The following ING3 variants were observed in gnomAD, a reference collection of about 807,000 sequenced individuals.
The protein encoded by ING3 is inhibitor of growth protein 3.
A neutral mutation model predicts 64.8 loss-of-function variants in ING3; 6 were observed. That is an observed-to-expected ratio of 0.09 (90% CI 0.05 to 0.18). The LOEUF is 0.18. ING3 is among the 10% of genes least tolerant of loss of function. ING3 has a pLI of 1.00. For missense variants in ING3, 310 were observed against 489.7 expected (o/e 0.63, Z 3.46); for synonymous variants, 170 against 173.7 (o/e 0.98, Z 0.17).
chr7:120,952,262 G>GT (rs1301263671), intron 2 of ING3, among the ~76,000 whole-genome samples: 3 of 152,278 alleles, frequency 2.0e-5, no homozygotes, highest in Non-Finnish European at 4.4e-5. Context: ...ATCTGAGTTT[G>GT]TTTTAGGGCT....
chr7:120,963,653 C>T (rs73221223), intron 4 of ING3, among the ~76,000 whole-genome samples: 9 of 152,234 alleles, frequency 5.9e-5, no homozygotes, highest in Non-Finnish European at 1.0e-4. Context: ...AAGATCAGAT[C>T]GAGGGCTAGA....
At chr7:120,967,859 G>C (rs1371711301) in intron 7 of ING3, 75 bp from the exon 8 acceptor site, 2 of 1,455,254 alleles carry the variant, frequency 1.4e-6, no homozygotes, top group African/African-American at 2.8e-5. Flanking sequence ...GTCTGTGCTG[G>C]GAAATAATGT....
At chr7:120,955,050 T>A (rs1795825126) in intron 3 of ING3, among the ~76,000 whole-genome samples, 1 of 152,222 alleles carries the variant, frequency 6.6e-6, no homozygotes, top group African/African-American at 2.4e-5. Flanking sequence ...TCTGAACATC[T>A]CCCTTTTACT....
At chr7:120,954,485 T>A (rs1795815115) in intron 3 of ING3, among the ~76,000 whole-genome samples, 1 of 151,480 alleles carries the variant, frequency 6.6e-6, no homozygotes, top group Admixed American at 6.6e-5. Context: ...ACAAATTGAG[T>A]AGTTCTGTTA....
At chr7:120,968,141 T>C (rs1562976556) in intron 8 of ING3, 50 bp downstream of exon 8, 2 of 1,506,246 alleles carry the variant, frequency 1.3e-6, no homozygotes, top group Admixed American at 1.9e-5. Context: ...GTCGGAATCA[T>C]TGGAAACCTA....
intron 4 of ING3, among the ~76,000 whole-genome samples, chr7:120,959,189 T>A (rs1795895560): frequency 6.6e-6 from 1 of 152,208 alleles, no homozygotes; most frequent in South Asian, 2.1e-4. Context: ...GGTTTCTTAC[T>A]CTTCAAGTGG....
In ING3 at chr7:120,970,744, TATC is replaced by T. The variant is rs1354995134; in HGVS notation, c.969_971del (p.Ser324del). 9.9e-6 allele frequency: 16 copies of T among 1,612,978 alleles called. No individual in the cohort carries two copies. Among genetic ancestry groups the T allele is most frequent in the South Asian group, 2.2e-5 (2 of 91,060 alleles). On this transcript the variant is annotated inframe_deletion, in exon 10 of 12. Coordinates refer to ENST00000315870, the MANE Select transcript of ING3 (RefSeq NM_019071.3). ...TCATCTTCCTCCTCCTCTTCTTCCT[TATC>T]ATCGTGTTCTTCATCATCAACTGTT...
chr7:120,950,925 G>A lies in ING3; in HGVS notation c.28+1G>A. On this transcript the variant is annotated splice_donor_variant, in intron 1 of 11. Transcript: ENST00000315870. LOFTEE classifies it high-confidence loss of function. ...TTGTACCTAGAAGACTATCTGGAAA[G>A]TGAGTGCGCGGCGCTGGCGGCGGCC... 1 of 1,613,540 alleles carries A rather than the reference G, an allele frequency of 6.2e-7. No homozygotes were observed. Among genetic ancestry groups the A allele is most frequent in the Non-Finnish European group, 8.5e-7 (1 of 1,179,750 alleles).
chr7:120,972,219 C>A (rs182678102), intron 10 of ING3, among the ~76,000 whole-genome samples: 24 of 151,986 alleles, frequency 1.6e-4, no homozygotes, highest in Admixed American at 1.4e-3. Flanking sequence ...GCTCTTCTTT[C>A]TACAAAAAAT....
intron 3 of ING3, among the ~76,000 whole-genome samples, chr7:120,955,073 G>A (rs993923162): frequency 6.6e-6 from 1 of 152,178 alleles, no homozygotes; most frequent in Middle Eastern, 3.4e-3. Flanking sequence ...TGGCCATTGT[G>A]CATAGTTTCT....
rs547692501 is a variant in ING3 at position 120,964,990 on chromosome 7, T to C, written c.364+152T>C. On this transcript the variant is annotated intron_variant, in intron 5 of 11. Transcript: ENST00000315870. The stretch of plus-strand genomic sequence containing the variant: ...CTTGGACCCTAACAGTTGGAAATGT[T>C]TGGGTCATGCATACTGAGAGAGATA... The C allele has an allele frequency of 5.0e-6, 3 of 602,204 alleles. No homozygotes were observed. The Admixed American group carries it at 8.7e-5, about 17-fold the overall frequency. 37.3% of individuals were successfully genotyped at this position (602,204 alleles called of 1,614,324 possible).
intron 9 of ING3, among the ~76,000 whole-genome samples, chr7:120,970,029 G>T (rs2116687112): frequency 6.6e-6 from 1 of 152,246 alleles, no homozygotes; most frequent in South Asian, 2.1e-4. Flanking sequence ...TAAATTACTT[G>T]TGAATTTTTA....
intron 11 of ING3, among the ~76,000 whole-genome samples, chr7:120,974,260 A>G (rs1173695156): frequency 6.6e-6 from 1 of 152,216 alleles, no homozygotes; most frequent in Non-Finnish European, 1.5e-5. Context: ...ATTTTTCTCT[A>G]CATTTCAAGG....
intron 9 of ING3, among the ~76,000 whole-genome samples, chr7:120,970,129 T>C (rs1002358290): frequency 6.6e-5 from 10 of 152,118 alleles, no homozygotes; most frequent in African/African-American, 1.9e-4. Context: ...TGTGTGTGTG[T>C]GCTTTAGGTT....
At chr7:120,974,603 T>A in intron 11 of ING3, 125 bp from the exon 12 acceptor site, 1 of 520,804 alleles carries the variant, frequency 1.9e-6, no homozygotes, top group South Asian at 2.4e-5. Context: ...GATCTAAAAA[T>A]TCTGATGTCA....
intron 4 of ING3, chr7:120,956,674 C>T (rs751324333): frequency 9.1e-6 from 9 of 985,882 alleles, no homozygotes; most frequent in Non-Finnish European, 1.1e-5. Flanking sequence ...GCTTGATTTA[C>T]TGTGGAATAA....
At chr7:120,963,272 T>G (rs1795956527) in intron 4 of ING3, among the ~76,000 whole-genome samples, 1 of 152,144 alleles carries the variant, frequency 6.6e-6, no homozygotes, top group Admixed American at 6.5e-5. Flanking sequence ...TTAAATATTC[T>G]AGAACTCTGA....
chr7:120,966,783 C>CA, intron 6 of ING3, 86 bp downstream of exon 6: 1 of 942,176 alleles, frequency 1.1e-6, no homozygotes, highest in Non-Finnish European at 1.7e-6. Flanking sequence ...TAACTCTACA[C>CA]AACCAATTGA....
At chr7:120,973,843 T>C (rs1456808642) in intron 11 of ING3, among the ~76,000 whole-genome samples, 1 of 152,190 alleles carries the variant, frequency 6.6e-6, no homozygotes, top group Non-Finnish European at 1.5e-5. Flanking sequence ...TAATTTTGAC[T>C]CCCTCCTTAT....
Sources: allele counts gnomAD v4.1 joint callset (sites outside exome capture counted in the v4.1 genomes callset), GRCh38; gene constraint gnomAD v4.1.1; transcripts MANE v1.5; gene names NCBI Gene and HGNC (gene_info 2026-07-23, HGNC 2026-07-21).